RAB27B: variants seen among roughly 807,000 people sequenced by gnomAD.
RAB27B encodes the protein ras-related protein Rab-27B.
Under a neutral mutation model 24.6 loss-of-function variants are expected in RAB27B, and 15 were observed. That is an observed-to-expected ratio of 0.61 (90% CI 0.41 to 0.94). RAB27B has a LOEUF of 0.94. Ranked by LOEUF, RAB27B falls within the 40% of genes least tolerant of loss-of-function variation. The pLI is 0.00. For synonymous variants in RAB27B, 105 were observed against 92.5 expected, an observed-to-expected ratio of 1.14 and a Z score of -0.78; for missense variants, 261 against 266.8, an observed-to-expected ratio of 0.98 and a Z score of 0.15.
chr18:54,729,868 G>T (rs1340137528), intron 2 of RAB27B, among the ~76,000 whole-genome samples: 1 of 152,044 alleles, frequency 6.6e-6, no homozygotes, highest in Non-Finnish European at 1.5e-5. Context: ...AAAAAAAAAT[G>T]TTGAAAGTTA....
intron 2 of RAB27B, among the ~76,000 whole-genome samples, chr18:54,783,379 T>C (rs1281472827): frequency 1.3e-5 from 2 of 152,244 alleles, no homozygotes; most frequent in Non-Finnish European, 2.9e-5. Flanking sequence ...CTGTGATTTT[T>C]ATGGCTCTGA....
chr18:54,865,127 A>T (rs144757969), intron 1 of RAB27B, among the ~76,000 whole-genome samples: 31 of 152,280 alleles, frequency 2.0e-4, no homozygotes, highest in African/African-American at 6.0e-4. Context: ...TATATGATTA[A>T]ATACATGCAA....
At chr18:54,780,005 A>G (rs1908845347) in intron 2 of RAB27B, among the ~76,000 whole-genome samples, 1 of 138,140 alleles carries the variant, frequency 7.2e-6, no homozygotes, top group Admixed American at 7.5e-5. Flanking sequence ...CTTCCCCCTC[A>G]CCGTGTCTCC....
Position 54,889,600 on chromosome 18 carries a change from G to A in RAB27B, c.*187G>A, listed in dbSNP as rs1305630784. ...AAAAGAATTGACTAGTTATCCCTGA[G>A]GCCCTTTCAAACATGATCAAAGATT... On this transcript the variant is annotated 3_prime_UTR_variant, in exon 6 of 6. Transcript: ENST00000262094. The A allele has an allele frequency of 2.3e-5, 12 of 515,958 alleles. No homozygotes were observed. Among genetic ancestry groups the A allele is most frequent in the Admixed American group, 3.7e-5 (1 of 26,860 alleles). The allele number at this position is 515,958 out of a possible 1,614,324, so 32.0% of individuals were successfully genotyped here. A position where few individuals can be genotyped will look rare whatever the true frequency, so the allele number is the denominator to read the frequency against.
intron 2 of RAB27B, among the ~76,000 whole-genome samples, chr18:54,757,373 T>G (rs1450831529): frequency 3.9e-5 from 6 of 152,214 alleles, no homozygotes; most frequent in Admixed American, 2.6e-4. Context: ...CTCTGCTGGA[T>G]GTCTGTTGGA....
At chr18:54,833,234 C>CTTTTTTTTTTTT (rs559070445) in intron 1 of RAB27B, among the ~76,000 whole-genome samples, 5 of 129,508 alleles carry the variant, frequency 3.9e-5, no homozygotes, top group Admixed American at 1.7e-4. Flanking sequence ...TTCTTTCTTT[C>CTTTTTTTTTTTT]TTTTTTTTTT....
At chr18:54,888,284 T>G in intron 5 of RAB27B, 166 bp downstream of exon 5, 1 of 676,520 alleles carries the variant, frequency 1.5e-6, no homozygotes, top group Middle Eastern at 3.4e-4. Context: ...AATTACTTAA[T>G]AATAAGAGCA....
At chr18:54,773,375 G>C (rs1002788749) in intron 2 of RAB27B, among the ~76,000 whole-genome samples, 7 of 152,192 alleles carry the variant, frequency 4.6e-5, no homozygotes. Context: ...TGCACCAAGG[G>C]TAGAGATGAA....
chr18:54,809,594 C>T (rs1362772557), intron 2 of RAB27B, among the ~76,000 whole-genome samples: 1 of 152,164 alleles, frequency 6.6e-6, no homozygotes. Flanking sequence ...TATTATAGCT[C>T]ATTAATGAAG....
intron 3 of RAB27B, chr18:54,880,524 C>A (rs912622732): frequency 6.6e-6 from 1 of 152,136 alleles, no homozygotes; most frequent in Admixed American, 6.6e-5. Flanking sequence ...TCGCTTTTAG[C>A]GAGTGTAAAT....
At chr18:54,737,689 A>G (rs1348691524) in intron 2 of RAB27B, among the ~76,000 whole-genome samples, 1 of 152,204 alleles carries the variant, frequency 6.6e-6, no homozygotes, top group Non-Finnish European at 1.5e-5. Context: ...CAAGTGAAAA[A>G]AATGAATGTG....
chr18:54,841,378 A>T (rs191194917), intron 1 of RAB27B, among the ~76,000 whole-genome samples: 28 of 152,330 alleles, frequency 1.8e-4, no homozygotes, highest in Non-Finnish European at 3.5e-4. Flanking sequence ...TGCATTAGGT[A>T]TAAGTTATCT....
intron 1 of RAB27B, among the ~76,000 whole-genome samples, chr18:54,850,357 T>TATATATATATAC (rs1264669719): frequency 2.3e-5 from 3 of 130,584 alleles, no homozygotes; most frequent in Non-Finnish European, 3.2e-5. Context: ...TATATATATA[T>TATATATATATAC]ATACATACAT....
chr18:54,833,370 G>A lies in RAB27B; in HGVS notation c.-20+4670G>A, dbSNP rs149904429. On this transcript the variant is annotated intron_variant, in intron 1 of 5. Transcript: ENST00000262094. ...GCCTCCCAAGTAGCTGGGATTACAGGCATGTGCCACCACTCCAGGCTAATT... is the reference window on the plus strand; with the variant it reads ...GCCTCCCAAGTAGCTGGGATTACAGACATGTGCCACCACTCCAGGCTAATT... 8.2e-3 allele frequency among the ~76,000 whole-genome samples: 1,240 copies of A among 151,798 alleles called. 23 individuals are homozygous for A. Among genetic ancestry groups the A allele is most frequent in the African/African-American group, 0.029 (1,182 of 41,396 alleles).
rs1428861254 is a variant in RAB27B at position 54,895,501 on chromosome 18, G to C, written c.*6088G>C. ...TCTGCACACTTTTCAAATAAAAAAT[G>C]AATTTTTATCAATTATTTTCTGTAC... On this transcript the variant is annotated 3_prime_UTR_variant, in exon 6 of 6. Coordinates refer to ENST00000262094, the MANE Select transcript of RAB27B (RefSeq NM_004163.4). 2.0e-5 allele frequency: 3 copies of C among 152,072 alleles called. No homozygotes were observed. Among genetic ancestry groups the C allele is most frequent in the Non-Finnish European group, 4.4e-5 (3 of 68,004 alleles). 9.4% of individuals were successfully genotyped at this position (152,072 alleles called of 1,614,324 possible). A position where few individuals can be genotyped will look rare whatever the true frequency, so the allele number is the denominator to read the frequency against.
chr18:54,824,601 G>A (rs926527931), upstream of RAB27B, among the ~76,000 whole-genome samples: 2 of 152,210 alleles, frequency 1.3e-5, no homozygotes, highest in South Asian at 4.2e-4. Flanking sequence ...GGATCTCAGG[G>A]GTTATTTTAT....
chr18:54,728,802 G>A (rs1479810677), intron 2 of RAB27B, among the ~76,000 whole-genome samples: 1 of 147,002 alleles, frequency 6.8e-6, no homozygotes, highest in East Asian at 2.0e-4. Flanking sequence ...CTTTAACCAG[G>A]GGGACAGAGG....
At chr18:54,817,447 C>T (rs532995134) in intron 2 of RAB27B, among the ~76,000 whole-genome samples, 1 of 152,224 alleles carries the variant, frequency 6.6e-6, no homozygotes, top group South Asian at 2.1e-4. Context: ...ATGTCACAGG[C>T]TGTATGCATC....
At chr18:54,793,500 A>T (rs1291636633) in intron 2 of RAB27B, among the ~76,000 whole-genome samples, 2 of 148,820 alleles carry the variant, frequency 1.3e-5, no homozygotes, top group Non-Finnish European at 3.0e-5. Flanking sequence ...AGAGAGAGAG[A>T]TGTCCTTTTC....
Sources: gnomAD v4.1 joint callset for allele counts (sites outside exome capture counted in the v4.1 genomes callset) on GRCh38, gnomAD v4.1.1 for gene constraint, MANE v1.5 for transcripts, NCBI Gene and HGNC (gene_info 2026-07-23, HGNC 2026-07-21) for gene names.